The following HELZ variants were observed in gnomAD, a reference collection of about 807,000 sequenced individuals.
HELZ encodes helicase with zinc finger, also known as ATP-dependent RNA helicase with zinc finger domain.
HELZ carries 23 observed loss-of-function variants against 218.2 expected under a neutral mutation model. The ratio of observed to expected loss-of-function variants is 0.11; its 90% CI spans 0.08 to 0.15. The LOEUF is 0.15. HELZ is among the 10% of genes least tolerant of loss of function. The pLI is 1.00. For synonymous variants in HELZ, 814 were observed against 829.4 expected, an observed-to-expected ratio of 0.98 and a Z score of 0.32; for missense variants, 1,813 against 2,353.7, an observed-to-expected ratio of 0.77 and a Z score of 4.75.
intron 3 of HELZ, among the ~76,000 whole-genome samples, chr17:67,228,707 C>CATTATTATTATTATT (rs375631612): frequency 1.5e-3 from 222 of 147,506 alleles, no homozygotes; most frequent in South Asian, 4.1e-3. Flanking sequence ...CAAATTGATA[C>CATTATTATTATTATT]ATTATTATTA....
intron 15 of HELZ, 84 bp from the exon 16 acceptor site, chr17:67,161,160 A>G: frequency 1.0e-6 from 1 of 974,224 alleles, no homozygotes; most frequent in Non-Finnish European, 1.5e-6. Flanking sequence ...AATTTCAGTG[A>G]ACCATTAAAA....
At chr17:67,222,452 CGCA>C (rs1286962519) in intron 3 of HELZ, among the ~76,000 whole-genome samples, 1 of 152,084 alleles carries the variant, frequency 6.6e-6, no homozygotes, top group African/African-American at 2.4e-5. Flanking sequence ...AGAGATTAAG[CGCA>C]GAACTATGAA....
chr17:67,205,443 G>C (rs2040271862), intron 5 of HELZ, among the ~76,000 whole-genome samples: 1 of 152,154 alleles, frequency 6.6e-6, no homozygotes, highest in Non-Finnish European at 1.5e-5. Flanking sequence ...TACTTCATAA[G>C]GTTGTGGTAA....
chr17:67,158,863 G>A (rs1046365184), intron 17 of HELZ, among the ~76,000 whole-genome samples: 3 of 151,946 alleles, frequency 2.0e-5, no homozygotes, highest in African/African-American at 7.3e-5. Context: ...TAAGCTAGTC[G>A]AGTGACGGAT....
intron 3 of HELZ, chr17:67,224,731 G>A: frequency 9.7e-7 from 1 of 1,028,488 alleles, no homozygotes; most frequent in South Asian, 1.2e-5. Flanking sequence ...TGCAAACATG[G>A]TGAACGTTGC....
At chr17:67,156,718 A>G (rs765787176) in intron 17 of HELZ, among the ~76,000 whole-genome samples, 2 of 151,488 alleles carry the variant, frequency 1.3e-5, no homozygotes, top group Non-Finnish European at 2.9e-5. Context: ...CGCTTCAATC[A>G]CCACCAATAC....
intron 26 of HELZ, 45 bp downstream of exon 26, chr17:67,122,925 C>A: frequency 4.3e-6 from 6 of 1,395,258 alleles, no homozygotes; most frequent in Admixed American, 1.8e-5. Flanking sequence ...TTAGTGAAAC[C>A]TATTTTACTT....
chr17:67,118,127 G>C (rs1453625429), intron 27 of HELZ, among the ~76,000 whole-genome samples: 1 of 152,178 alleles, frequency 6.6e-6, no homozygotes, highest in East Asian at 1.9e-4. Flanking sequence ...CTGACTTAAA[G>C]ACTTTTACAA....
chr17:67,150,656 G>C (rs1193553850), intron 18 of HELZ, among the ~76,000 whole-genome samples: 1 of 151,978 alleles, frequency 6.6e-6, no homozygotes, highest in Non-Finnish European at 1.5e-5. Flanking sequence ...AAGTGTAAAA[G>C]AAAAGGAAAA....
intron 24 of HELZ, among the ~76,000 whole-genome samples, chr17:67,127,773 GA>G (rs2143875265): frequency 6.6e-6 from 1 of 151,836 alleles, no homozygotes; most frequent in East Asian, 1.9e-4. Context: ...TTGAGCCTAG[GA>G]GGCGGAGGTT....
chr17:67,127,708 G>A (rs578189048), intron 24 of HELZ, among the ~76,000 whole-genome samples: 12 of 152,118 alleles, frequency 7.9e-5, no homozygotes, highest in African/African-American at 2.7e-4. Context: ...TTAGCCAGGC[G>A]TGGTGGATGC....
At chr17:67,180,588 A>G (rs530591655) in intron 12 of HELZ, among the ~76,000 whole-genome samples, 1 of 152,222 alleles carries the variant, frequency 6.6e-6, no homozygotes, top group African/African-American at 2.4e-5. Context: ...TACTGAAAAT[A>G]CAAAAATTGC....
At position 67,148,667 on chromosome 17, in the gene HELZ, G is replaced by T. The variant is rs150476133; in HGVS notation, c.2523C>A (p.His841Gln). The T allele has an allele frequency of 1.2e-6, 2 of 1,613,490 alleles. No individual in the cohort carries two copies. The highest frequency in any genetic ancestry group is 4.5e-5 in the East Asian group (2 of 44,864). ...YSEFARERNL[H>Q]VSLLDRLYEH... is the part of the protein sequence containing the mutation. Reference sequence around the variant, plus strand: ...CATAGAGTCGGTCAAGTAATGAAACGTGAAGGTTTCTCTCCCTGGCAAACT... The same window carrying T: ...CATAGAGTCGGTCAAGTAATGAAACTTGAAGGTTTCTCTCCCTGGCAAACT... Residue 841 changes from histidine (H) to glutamine (Q), a missense_variant, in exon 20 of 33, where the codon CAC (histidine) becomes CAA (glutamine). His to Gln is a conservative substitution (Grantham distance 24). This residue lies in a region of HELZ where 714 missense variants were observed against 1,029.2 expected (regional missense o/e 0.69). Coordinates refer to ENST00000358691, the MANE Select transcript of HELZ (RefSeq NM_014877.4).
At position 67,188,711 on chromosome 17, in the gene HELZ, T is replaced by C. The variant is rs2039821795; in HGVS notation, c.865-95A>G. 1 of 967,408 alleles carries C rather than the reference T, an allele frequency of 1.0e-6. No individual in the cohort carries two copies. The highest frequency in any genetic ancestry group is 1.5e-6 in the Non-Finnish European group (1 of 649,258). 59.9% of individuals were successfully genotyped at this position (967,408 alleles called of 1,614,324 possible). A position where few individuals can be genotyped will look rare whatever the true frequency, so the allele number is the denominator to read the frequency against. On this transcript the variant is annotated intron_variant, in intron 11 of 32. Coordinates refer to ENST00000358691, the MANE Select transcript of HELZ (RefSeq NM_014877.4). This position sits in a 1 kb window ranked among gnomAD's most constrained non-coding sequence, Gnocchi z 4.1. ...ATGAAAATATTTCCATAAGGGACTT[T>C]TACTTCCCCAAGCTTCTAAGATACT...
rs1168882127 is a variant in HELZ at position 67,178,942 on chromosome 17, A to C, written c.1163-16T>G. The C allele has an allele frequency of 3.3e-6, 5 of 1,537,746 alleles. No homozygotes were observed. Among genetic ancestry groups the C allele is most frequent in the Non-Finnish European group, 3.5e-6 (4 of 1,132,166 alleles). ...TATTCGAGATCTAAATGGAAACAAA[A>C]AACACATTTATAAAGAAACAGAACA... is the stretch of plus-strand genomic sequence containing the variant. On this transcript the variant is annotated splice_polypyrimidine_tract_variant and intron_variant, in intron 12 of 32. Coordinates refer to ENST00000358691, the MANE Select transcript of HELZ (RefSeq NM_014877.4).
Position 67,145,910 on chromosome 17 carries a change from GA to G in HELZ, c.2622-21del. On this transcript the variant is annotated intron_variant, in intron 20 of 32. Transcript: ENST00000358691. Reference sequence around the variant, plus strand: ...GTATAACTGCAGTAAAAGACAAAAAGAAAAAAGGGGGAAAATCTACATCAAA... The same window carrying G: ...GTATAACTGCAGTAAAAGACAAAAAGAAAAAGGGGGAAAATCTACATCAAA... 1 of 1,563,614 alleles carries G rather than the reference GA, an allele frequency of 6.4e-7. No homozygotes were observed. Among genetic ancestry groups the G allele is most frequent in the South Asian group, 1.2e-5 (1 of 80,962 alleles).
chr17:67,229,074 C>G (rs1233120973), intron 3 of HELZ, among the ~76,000 whole-genome samples: 1 of 152,190 alleles, frequency 6.6e-6, no homozygotes, highest in Non-Finnish European at 1.5e-5. Flanking sequence ...GAATGTGCCC[C>G]TTTCCCCACT....
intron 31 of HELZ, among the ~76,000 whole-genome samples, chr17:67,100,978 T>C (rs536611836): frequency 4.0e-5 from 6 of 151,724 alleles, no homozygotes; most frequent in African/African-American, 1.4e-4. Flanking sequence ...GGCGCAGTGG[T>C]GGGTACCTGT....
chr17:67,204,675 C>T (rs915880194), intron 5 of HELZ, among the ~76,000 whole-genome samples: 2 of 152,086 alleles, frequency 1.3e-5, no homozygotes, highest in Admixed American at 6.5e-5. Flanking sequence ...AAGTTGCAGT[C>T]TCTCTGTATT....
Sources: allele counts gnomAD v4.1 joint callset (sites outside exome capture counted in the v4.1 genomes callset), GRCh38; gene constraint gnomAD v4.1.1; regional missense constraint gnomAD v4.1.1; non-coding constraint Gnocchi (gnomAD v3.1); transcripts MANE v1.5; gene names NCBI Gene and HGNC (gene_info 2026-07-23, HGNC 2026-07-21).